TSC2: variants seen among roughly 807,000 people sequenced by gnomAD.
TSC2 encodes the protein TSC complex subunit 2.
In TSC2, 29 loss-of-function variants were observed where a neutral mutation model predicts 202.2. The ratio of observed to expected loss-of-function variants is 0.14; its 90% CI spans 0.11 to 0.20. TSC2 has a LOEUF of 0.20. Among genes scored for constraint, TSC2 ranks in the 10% least tolerant of loss-of-function variants. The pLI is 1.00. For synonymous variants in TSC2, 1,349 were observed against 1,044.0 expected (o/e 1.29, Z -5.63); for missense variants, 2,429 against 2,420.0 (o/e 1.00, Z -0.08).
intron 30 of TSC2, chr16:2,080,776 G>A (rs538996901): frequency 7.6e-4 from 176 of 230,176 alleles, no homozygotes; most frequent in East Asian, 4.3e-3. Flanking sequence ...GAGCCACCGC[G>A]CCCAGCCATT....
chr16:2,072,512 C>T (rs2088620280), intron 20 of TSC2, 149 bp downstream of exon 20: 1 of 1,329,610 alleles, frequency 7.5e-7, no homozygotes, highest in Non-Finnish European at 1.0e-6. Flanking sequence ...CAGATTGTGC[C>T]TTGGGCAGGG....
chr16:2,062,763 C>A, intron 13 of TSC2, 163 bp downstream of exon 13: 1 of 930,092 alleles, frequency 1.1e-6, no homozygotes, highest in Non-Finnish European at 1.7e-6. Context: ...GCTTTCCAGT[C>A]CAGCAGGACA....
intron 10 of TSC2, 49 bp from the exon 11 acceptor site, chr16:2,060,621 A>G (rs1237113939): frequency 1.2e-6 from 2 of 1,613,264 alleles, no homozygotes; most frequent in Admixed American, 1.7e-5. Flanking sequence ...GGCGTCCCAC[A>G]GCAAGCAAGC....
chr16:2,053,573 G>C, intron 4 of TSC2, 121 bp downstream of exon 4: 1 of 1,019,290 alleles, frequency 9.8e-7, no homozygotes, highest in Non-Finnish European at 1.5e-6. Context: ...TCTAGGGGCT[G>C]ATGGGCTCTG....
chr16:2,084,974 A>C lies in TSC2; in HGVS notation c.4517A>C (p.His1506Pro), dbSNP rs2090581620. Residue 1506 changes from histidine to proline, a missense_variant, in exon 35 of 42, where the codon CAT (histidine) becomes CCT (proline). By Grantham distance (77) the His-to-Pro change is moderately conservative. Coordinates refer to ENST00000219476, the MANE Select transcript of TSC2 (RefSeq NM_000548.5). ...NPSFVFLQLYHSPFFGDESNK... is the reference protein window; with the variant it reads ...NPSFVFLQLYPSPFFGDESNK... ...AGTTTCGTGTTCCTGCAGCTCTACC[A>C]TTCCCCCTTCTTTGGCGACGAGTCA... The C allele has an allele frequency of 6.2e-7, 1 of 1,613,142 alleles. No individual in the cohort carries two copies. Among genetic ancestry groups the C allele is most frequent in the Non-Finnish European group, 8.5e-7 (1 of 1,179,938 alleles).
At chr16:2,054,720 G>T in intron 5 of TSC2, 1 of 520,186 alleles carries the variant, frequency 1.9e-6, no homozygotes, top group Non-Finnish European at 3.5e-6. Flanking sequence ...AGCTGGGCGA[G>T]TTCTGTCACT....
rs2090576761 is a variant in TSC2, at chr16:2,084,943, C to T, written c.4494-8C>T. 6.2e-7 allele frequency: 1 copy of T among 1,613,262 alleles called. No individual in the cohort carries two copies. The highest frequency in any genetic ancestry group is 8.5e-7 in the Non-Finnish European group (1 of 1,179,970). ...CACCTGGGTGCCCACCATCCCCTCC[C>T]TGTGCAGTTTCGTGTTCCTGCAGCT... On this transcript the variant is annotated splice_polypyrimidine_tract_variant and splice_region_variant and intron_variant, in intron 34 of 41. Coordinates refer to ENST00000219476, the MANE Select transcript of TSC2 (RefSeq NM_000548.5).
intron 25 of TSC2, chr16:2,077,378 C>T (rs1316436645): frequency 4.6e-6 from 3 of 653,962 alleles, no homozygotes; most frequent in East Asian, 2.6e-5. Context: ...TACTTGTTCT[C>T]AGTCATGTTT....
At chr16:2,086,420 CAG>C (rs766498167) in intron 37 of TSC2, 41 bp downstream of exon 37, 20 of 1,597,772 alleles carry the variant, frequency 1.3e-5, no homozygotes, top group Admixed American at 5.2e-5. Context: ...CCCCAGGCCT[CAG>C]GGCACGGCTC....
chr16:2,054,991 G>A (rs899729819), intron 5 of TSC2: 10 of 346,392 alleles, frequency 2.9e-5, no homozygotes, highest in East Asian at 1.4e-4. Flanking sequence ...GGTGCCTACC[G>A]TCAGGTTTCC....
rs1386141406 is a variant in TSC2 at position 2,088,692 on chromosome 16, G to C, written c.*82G>C. ...AATAAAGTCCTGACCCCAGTGCACAGACATAGAGGCACAGATTGCAGTCAG... is the reference window on the plus strand; with the variant it reads ...AATAAAGTCCTGACCCCAGTGCACACACATAGAGGCACAGATTGCAGTCAG... On this transcript the variant is annotated 3_prime_UTR_variant, in exon 42 of 42. Coordinates refer to ENST00000219476, the MANE Select transcript of TSC2 (RefSeq NM_000548.5). 1.3e-6 allele frequency: 2 copies of C among 1,500,648 alleles called. No individual in the cohort carries two copies. The highest frequency in any genetic ancestry group is 2.0e-5 in the Admixed American group (1 of 49,762). The allele number at this position is 1,500,648 out of a possible 1,614,324, so 93.0% of individuals were successfully genotyped here. A position where few individuals can be genotyped will look rare whatever the true frequency, so the allele number is the denominator to read the frequency against.
rs370215893 is a variant in TSC2, at chr16:2,058,992, C to A, written c.975+119C>A. On this transcript the variant is annotated intron_variant, in intron 10 of 41. Transcript: ENST00000219476. ...CTGCGGTGGCATTTCTAGGCCTTTCCAGGCAGTTGCTTTGCAGCTGGGGGT... is the reference window on the plus strand; with the variant it reads ...CTGCGGTGGCATTTCTAGGCCTTTCAAGGCAGTTGCTTTGCAGCTGGGGGT... The A allele has an allele frequency of 1.0e-5, 15 of 1,497,198 alleles. No individual in the cohort carries two copies. The South Asian group carries it at 1.8e-4, about 18-fold the overall frequency. The allele number at this position is 1,497,198 out of a possible 1,614,324, so 92.7% of individuals were successfully genotyped here.
At chr16:2,081,067 G>A (rs1207440935) in intron 30 of TSC2, 2 of 202,378 alleles carry the variant, frequency 9.9e-6, no homozygotes, top group African/African-American at 4.7e-5. Flanking sequence ...TCATGGCTTA[G>A]GGTCCGCTCT....
At chr16:2,058,682 ACATC>A in intron 9 of TSC2, 61 bp from the exon 10 acceptor site, 1 of 1,547,006 alleles carries the variant, frequency 6.5e-7, no homozygotes, top group Admixed American at 2.0e-5. Flanking sequence ...GCAACCTCAC[ACATC>A]CATGGCGGAC....
chr16:2,080,644 T>C lies in TSC2; in HGVS notation c.3610+267T>C, dbSNP rs557914377. ...GACCACAGGCGCCCGCCACCACGCC[T>C]GGCCAATTTTTTTGTATTTCTAGTA... On this transcript the variant is annotated intron_variant, in intron 30 of 41. Coordinates refer to ENST00000219476, the MANE Select transcript of TSC2 (RefSeq NM_000548.5). 9.9e-4 allele frequency: 466 copies of C among 469,648 alleles called. 2 individuals are homozygous for C. The highest frequency in any genetic ancestry group is 1.8e-3 in the Middle Eastern group (3 of 1,664). 29.1% of individuals were successfully genotyped at this position (469,648 alleles called of 1,614,324 possible).
chr16:2,060,847 G>A lies in TSC2; in HGVS notation c.1119+34G>A, dbSNP rs372733604. On this transcript the variant is annotated intron_variant, in intron 11 of 41. Transcript: ENST00000219476. ...GGGGCAGGAGCTCCGGGGAGCACCG[G>A]GAACCCAGACAGGCAGGCTCGGCCC... The A allele has an allele frequency of 1.7e-5, 27 of 1,610,610 alleles. No homozygotes were observed. The African/African-American group carries it at 3.1e-4, about 18-fold the overall frequency.
intron 6 of TSC2, 143 bp downstream of exon 6, chr16:2,055,662 G>A (rs929213126): frequency 1.6e-5 from 13 of 800,196 alleles, no homozygotes; most frequent in African/African-American, 1.4e-4. Context: ...GGAGGCCGAG[G>A]CAGGCGGATC....
intron 32 of TSC2, chr16:2,082,764 G>C: frequency 1.7e-6 from 1 of 580,168 alleles, no homozygotes; most frequent in South Asian, 2.0e-5. Context: ...CCTGAGGGGT[G>C]GGGGTGGCCT....
chr16:2,056,933 GT>G, intron 8 of TSC2, 164 bp downstream of exon 8: 1 of 1,402,722 alleles, frequency 7.1e-7, no homozygotes, highest in Non-Finnish European at 9.9e-7. Flanking sequence ...TGAGGTCAGG[GT>G]TTTGGTGGCA....
Sources: gnomAD v4.1 joint callset for allele counts on GRCh38, gnomAD v4.1.1 for gene constraint, MANE v1.5 for transcripts, NCBI Gene and HGNC (gene_info 2026-07-23, HGNC 2026-07-21) for gene names.